EYS: variants seen among roughly 807,000 people sequenced by gnomAD.
EYS encodes the protein EGF-like photoreceptor maintenance factor, also known as protein eyes shut homolog.
EYS carries 250 observed loss-of-function variants against 282.1 expected under a neutral mutation model. The ratio of observed to expected loss-of-function variants is 0.89; its 90% CI spans 0.80 to 0.98. EYS has a LOEUF of 0.98. Ranked by LOEUF, EYS falls within the 50% of genes least tolerant of loss-of-function variation. The probability of loss-of-function intolerance (pLI) is 0.00; values close to 1 mark genes in which losing one functional copy is unlikely to be tolerated. For synonymous variants in EYS, 1,355 were observed against 1,282.9 expected, an observed-to-expected ratio of 1.06 and a Z score of -1.20; for missense variants, 4,016 against 3,709.0, an observed-to-expected ratio of 1.08 and a Z score of -2.15.
At chr6:65,622,612 G>C (rs536136045) in intron 2 of EYS, among the ~76,000 whole-genome samples, 2 of 151,976 alleles carry the variant, frequency 1.3e-5, no homozygotes, top group African/African-American at 4.8e-5. Flanking sequence ...TAAATATTTG[G>C]GATACCTGGT....
At chr6:64,135,904 C>T (rs1309200131) in intron 31 of EYS, among the ~76,000 whole-genome samples, 2 of 151,960 alleles carry the variant, frequency 1.3e-5, no homozygotes, top group Non-Finnish European at 1.5e-5. Context: ...TGGCTATGGG[C>T]ATTTCTTAAA....
intron 29 of EYS, among the ~76,000 whole-genome samples, chr6:64,381,842 A>C (rs565613999): frequency 3.5e-4 from 53 of 152,310 alleles, no homozygotes; most frequent in African/African-American, 1.3e-3. Context: ...AAGTAAGCAA[A>C]TTCATCTAAA....
At chr6:65,093,576 T>C (rs2150179176) in intron 12 of EYS, among the ~76,000 whole-genome samples, 1 of 151,978 alleles carries the variant, frequency 6.6e-6, no homozygotes, top group African/African-American at 2.4e-5. Flanking sequence ...CAGCTTAAAA[T>C]AGACTGCTGT....
chr6:64,189,341 T>C (rs575332930), intron 31 of EYS, among the ~76,000 whole-genome samples: 241 of 152,344 alleles, frequency 1.6e-3, no homozygotes, highest in Middle Eastern at 6.8e-3. Context: ...GAATAGTTTT[T>C]ATATTTTGGG....
chr6:63,905,899 C>T (rs1179876755), intron 35 of EYS, among the ~76,000 whole-genome samples: 3 of 152,168 alleles, frequency 2.0e-5, no homozygotes, highest in African/African-American at 7.2e-5. Flanking sequence ...GGGTCAGCAT[C>T]CAGACTAAGC....
intron 22 of EYS, among the ~76,000 whole-genome samples, chr6:64,756,890 T>TTA (rs994371495): frequency 1.3e-5 from 2 of 151,664 alleles, no homozygotes; most frequent in African/African-American, 4.9e-5. Flanking sequence ...CAGTGCTTTT[T>TTA]TTTTTTTTTT....
intron 26 of EYS, among the ~76,000 whole-genome samples, chr6:64,547,120 C>T (rs570003237): frequency 4.6e-5 from 7 of 152,174 alleles, no homozygotes; most frequent in Admixed American, 2.0e-4. Context: ...CAGACCTTTG[C>T]GGTGAGTGTT....
At chr6:64,681,621 C>A (rs187878245) in intron 22 of EYS, among the ~76,000 whole-genome samples, 1 of 152,054 alleles carries the variant, frequency 6.6e-6, no homozygotes, top group Non-Finnish European at 1.5e-5. Context: ...CGGCCGGGCG[C>A]GGTGGCTCAG....
chr6:65,096,130 T>C (rs1774733582), intron 12 of EYS, among the ~76,000 whole-genome samples: 1 of 151,038 alleles, frequency 6.6e-6, no homozygotes, highest in Non-Finnish European at 1.5e-5. Context: ...ATGAAAATCA[T>C]GGCTTTTAAA....
At chr6:64,505,018 A>G (rs933102593) in intron 26 of EYS, among the ~76,000 whole-genome samples, 5 of 152,332 alleles carry the variant, frequency 3.3e-5, no homozygotes, top group Admixed American at 2.0e-4. Flanking sequence ...GTGCTTTGAA[A>G]ATTCCTGTAT....
chr6:65,677,416 C>T (rs541693876), intron 1 of EYS, among the ~76,000 whole-genome samples: 3 of 151,858 alleles, frequency 2.0e-5, no homozygotes, highest in East Asian at 1.9e-4. Flanking sequence ...TGTTTCTACA[C>T]GTTAACAAAG....
At chr6:65,272,576 CT>C (rs989594054) in intron 12 of EYS, among the ~76,000 whole-genome samples, 2 of 152,128 alleles carry the variant, frequency 1.3e-5, no homozygotes, top group African/African-American at 4.8e-5. Context: ...ACAAACTCAT[CT>C]TTAAAAATCT....
intron 35 of EYS, among the ~76,000 whole-genome samples, chr6:63,966,478 C>T (rs967197795): frequency 6.6e-6 from 1 of 152,014 alleles, no homozygotes; most frequent in Non-Finnish European, 1.5e-5. Flanking sequence ...CTCATGTGAC[C>T]AAATACCACC....
chr6:65,189,111 G>T (rs939539672), intron 12 of EYS, among the ~76,000 whole-genome samples: 1 of 151,374 alleles, frequency 6.6e-6, no homozygotes. Context: ...AAGCAATATA[G>T]CATGTGCTTA....
In EYS at chr6:65,168,388, T is replaced by C. The variant is rs139284910; in HGVS notation, c.2024-110661A>G. ...GCTGGTGGCTTACAAATAATAGAAATTTATTTCTATTTCATTCTGGAAATT... is the reference window on the plus strand; with the variant it reads ...GCTGGTGGCTTACAAATAATAGAAACTTATTTCTATTTCATTCTGGAAATT... On this transcript the variant is annotated intron_variant, in intron 12 of 42. Transcript: ENST00000503581. 4.1e-3 allele frequency among the ~76,000 whole-genome samples: 621 copies of C among 151,210 alleles called. 5 individuals are homozygous for C. Among genetic ancestry groups the C allele is most frequent in the African/African-American group, 0.014 (596 of 41,362 alleles).
At chr6:65,384,012 C>T (rs1765711691) in intron 8 of EYS, among the ~76,000 whole-genome samples, 1 of 151,814 alleles carries the variant, frequency 6.6e-6, no homozygotes. Context: ...ATTTCAAAAA[C>T]TATTCACTAA....
intron 35 of EYS, among the ~76,000 whole-genome samples, chr6:63,915,126 A>C (rs1303467091): frequency 6.6e-6 from 1 of 152,234 alleles, no homozygotes; most frequent in Non-Finnish European, 1.5e-5. Context: ...GCTAGACAGA[A>C]GTCAATGCCT....
At chr6:65,523,395 G>T (rs954091444) in intron 2 of EYS, among the ~76,000 whole-genome samples, 1 of 152,098 alleles carries the variant, frequency 6.6e-6, no homozygotes, top group Non-Finnish European at 1.5e-5. Context: ...GGTAAATCTG[G>T]AGGACATTAT....
intron 1 of EYS, among the ~76,000 whole-genome samples, chr6:65,694,742 TAAA>T (rs34494006): frequency 7.4e-6 from 1 of 135,476 alleles, no homozygotes; most frequent in African/African-American, 2.7e-5. Flanking sequence ...GTTGTAGATT[TAAA>T]AAAAAAAAAA....
Sources: gnomAD v4.1 joint callset for allele counts (sites outside exome capture counted in the v4.1 genomes callset) on GRCh38, gnomAD v4.1.1 for gene constraint, MANE v1.5 for transcripts, NCBI Gene and HGNC (gene_info 2026-07-23, HGNC 2026-07-21) for gene names.